The following TANC2 variants were observed in gnomAD, a reference collection of about 807,000 sequenced individuals.
TANC2 encodes tetratricopeptide repeat, ankyrin repeat and coiled-coil containing 2.
A neutral mutation model predicts 210.5 loss-of-function variants in TANC2; 26 were observed. That is an observed-to-expected ratio of 0.12 (90% CI 0.09 to 0.17). The LOEUF is 0.17. Among genes scored for constraint, TANC2 ranks in the 10% least tolerant of loss-of-function variants. The pLI is 1.00. For synonymous variants in TANC2, 931 were observed against 967.1 expected, an observed-to-expected ratio of 0.96 and a Z score of 0.69; for missense variants, 2,129 against 2,608.9, an observed-to-expected ratio of 0.82 and a Z score of 4.01.
chr17:63,066,161 G>A (rs1020218631), intron 2 of TANC2, among the ~76,000 whole-genome samples: 9 of 152,186 alleles, frequency 5.9e-5, no homozygotes, highest in Non-Finnish European at 1.2e-4. Context: ...GGATCCTGGG[G>A]CCACAGATGC....
At chr17:63,064,502 T>C (rs2036123967) in intron 2 of TANC2, among the ~76,000 whole-genome samples, 1 of 152,176 alleles carries the variant, frequency 6.6e-6, no homozygotes, top group Non-Finnish European at 1.5e-5. Flanking sequence ...TACAGTCATT[T>C]CACTAGGAGA....
At chr17:63,175,363 G>GA (rs1009956523) in intron 5 of TANC2, among the ~76,000 whole-genome samples, 1 of 151,782 alleles carries the variant, frequency 6.6e-6, no homozygotes, top group African/African-American at 2.4e-5. Context: ...CCGGTCTCTA[G>GA]AAAAAATTTA....
chr17:63,376,447 A>T (rs1380804954), intron 14 of TANC2, among the ~76,000 whole-genome samples: 1 of 152,068 alleles, frequency 6.6e-6, no homozygotes, highest in African/African-American at 2.4e-5. Context: ...GCTGGCACTC[A>T]TTATCTCTCC....
At chr17:63,064,531 A>C (rs1312764387) in intron 2 of TANC2, among the ~76,000 whole-genome samples, 1 of 152,190 alleles carries the variant, frequency 6.6e-6, no homozygotes, top group Non-Finnish European at 1.5e-5. Context: ...ATTACTTTTA[A>C]AGTATCTCTT....
chr17:63,353,433 G>A (rs1227138069), intron 13 of TANC2, among the ~76,000 whole-genome samples: 1 of 152,116 alleles, frequency 6.6e-6, no homozygotes, highest in African/African-American at 2.4e-5. Flanking sequence ...GAGTTTTGTG[G>A]CGGGGGACAA....
intron 4 of TANC2, among the ~76,000 whole-genome samples, chr17:63,104,906 T>C (rs1380170485): frequency 1.3e-5 from 2 of 151,776 alleles, no homozygotes; most frequent in Non-Finnish European, 2.9e-5. Flanking sequence ...ATTTCTAAAC[T>C]AGGGTTGATA....
chr17:63,318,361 C>G (rs957018936), intron 10 of TANC2, among the ~76,000 whole-genome samples: 1 of 152,120 alleles, frequency 6.6e-6, no homozygotes, highest in Non-Finnish European at 1.5e-5. Context: ...ATGTAATTCA[C>G]CCATTTAAAG....
At chr17:63,409,727 G>A (rs1308762936) in intron 21 of TANC2, among the ~76,000 whole-genome samples, 1 of 152,158 alleles carries the variant, frequency 6.6e-6, no homozygotes, top group Non-Finnish European at 1.5e-5. Flanking sequence ...TAACTGCACT[G>A]AGTTACTGTA....
At chr17:63,219,523 G>T (rs1415442416) in intron 7 of TANC2, among the ~76,000 whole-genome samples, 1 of 152,176 alleles carries the variant, frequency 6.6e-6, no homozygotes, top group Non-Finnish European at 1.5e-5. Context: ...CAGTTCTCCT[G>T]TCTCAGCCTC....
chr17:63,063,615 TTGTGTG>T (rs142351130), intron 2 of TANC2, among the ~76,000 whole-genome samples: 1 of 144,154 alleles, frequency 6.9e-6, no homozygotes, highest in Non-Finnish European at 1.5e-5. Context: ...TTACCCAGTA[TTGTGTG>T]TGTGTGTGTG....
chr17:63,008,258 A>G (rs567333246), intron 1 of TANC2, among the ~76,000 whole-genome samples: 204 of 152,138 alleles, frequency 1.3e-3, no homozygotes, highest in Admixed American at 4.5e-3. Context: ...GGTTGCTCAC[A>G]CTTCATATAT....
chr17:63,296,491 G>A (rs987135765), intron 9 of TANC2, among the ~76,000 whole-genome samples: 3 of 152,194 alleles, frequency 2.0e-5, no homozygotes, highest in Admixed American at 2.0e-4. Flanking sequence ...AGAAGGCACA[G>A]TTTTTGATAC....
chr17:63,188,660 T>C (rs1016808812), intron 5 of TANC2, among the ~76,000 whole-genome samples: 3 of 152,118 alleles, frequency 2.0e-5, no homozygotes, highest in Non-Finnish European at 4.4e-5. Context: ...CCAGTGTCAT[T>C]TTCCCATATA....
chr17:63,218,055 A>G (rs1254925852), intron 7 of TANC2, among the ~76,000 whole-genome samples: 1 of 152,128 alleles, frequency 6.6e-6, no homozygotes, highest in African/African-American at 2.4e-5. Flanking sequence ...AGGTCGAGGT[A>G]GGAGGATCAC....
In TANC2 at chr17:63,421,410, A is replaced by T. The variant is rs764063433; in HGVS notation, c.5680A>T (p.Ile1894Phe). 1 of 1,613,964 alleles carries T rather than the reference A, an allele frequency of 6.2e-7. No individual in the cohort carries two copies. The highest frequency in any genetic ancestry group is 1.1e-5 in the South Asian group (1 of 91,074). ...ATCTTCTTCCATCCAGCAAATGGAG[A>T]TCCCACTGAAACCTGCATATGAGAG... Residue 1894 changes from isoleucine to phenylalanine, a missense_variant, in exon 28 of 28, where the codon ATC becomes TTC. Coordinates refer to ENST00000689528, the Ensembl canonical transcript of TANC2. The surrounding 1 kb of genome is among the most constrained non-coding windows in gnomAD (Gnocchi z 6.9).
intron 14 of TANC2, among the ~76,000 whole-genome samples, chr17:63,359,448 A>G (rs957274182): frequency 1.3e-5 from 2 of 151,698 alleles, no homozygotes; most frequent in African/African-American, 2.4e-5. Flanking sequence ...AGTTCAAGCA[A>G]TTCTCCTGCC....
intron 2 of TANC2, among the ~76,000 whole-genome samples, chr17:63,071,179 T>A (rs1161163027): frequency 6.6e-6 from 1 of 152,198 alleles, no homozygotes; most frequent in East Asian, 1.9e-4. Flanking sequence ...ATACCTAAGC[T>A]TGCTGTGATA....
At chr17:63,198,836 A>G (rs1225503710) in intron 6 of TANC2, among the ~76,000 whole-genome samples, 1 of 152,222 alleles carries the variant, frequency 6.6e-6, no homozygotes, top group Non-Finnish European at 1.5e-5. Context: ...ATAAAAATAG[A>G]GATTTTAAAA....
chr17:63,242,526 G>A (rs914904773), intron 8 of TANC2, among the ~76,000 whole-genome samples: 6 of 151,870 alleles, frequency 4.0e-5, no homozygotes, highest in African/African-American at 7.3e-5. Flanking sequence ...TGCAGATTGC[G>A]GTATCCTATT....
Sources: allele counts gnomAD v4.1 joint callset (sites outside exome capture counted in the v4.1 genomes callset), GRCh38; gene constraint gnomAD v4.1.1; non-coding constraint Gnocchi (gnomAD v3.1); transcripts MANE v1.5; gene names NCBI Gene and HGNC (gene_info 2026-07-23, HGNC 2026-07-21).